TENM2: variants seen among roughly 807,000 people sequenced by gnomAD.
TENM2 encodes teneurin transmembrane protein 2, also known as teneurin-2.
TENM2 carries 52 observed loss-of-function variants against 245.2 expected under a neutral mutation model. The observed-to-expected ratio is 0.21, with a 90% CI of 0.17 to 0.27. TENM2 has a LOEUF of 0.27. Among genes scored for constraint, TENM2 ranks in the 10% least tolerant of loss-of-function variants. TENM2 has a pLI of 1.00. For missense variants in TENM2, 3,046 were observed against 3,666.8 expected, an observed-to-expected ratio of 0.83 and a Z score of 4.37; for synonymous variants, 1,363 against 1,438.9, an observed-to-expected ratio of 0.95 and a Z score of 1.19.
intron 2 of TENM2, among the ~76,000 whole-genome samples, chr5:167,409,252 T>C (rs1165649429): frequency 6.6e-6 from 1 of 151,928 alleles, no homozygotes; most frequent in African/African-American, 2.4e-5. Flanking sequence ...AATAGTTGTG[T>C]GCAGTGAAAA....
In TENM2 at chr5:167,727,506, A is replaced by G. The variant is rs573721706; in HGVS notation, c.503-148480A>G. 3.9e-5 allele frequency among the ~76,000 whole-genome samples: 6 copies of G among 152,262 alleles called. No homozygotes were observed. In the South Asian group the frequency reaches 1.2e-3, roughly 32 times the overall value. ...ACCTAAAACAAAGACTACTCCATAC[A>G]TCTGCAATTTTTCAGCTGAGGTAGA... is the stretch of plus-strand genomic sequence containing the variant. On this transcript the variant is annotated intron_variant, in intron 2 of 28. Transcript: ENST00000518659.
the TENM2 span, among the ~76,000 whole-genome samples, chr5:167,103,957 G>T: frequency 6.6e-6 from 1 of 151,902 alleles, no homozygotes; most frequent in East Asian, 1.9e-4. Flanking sequence ...CCCCACCCTG[G>T]AATGTCTTTC....
chr5:167,907,452 G>T (rs1024326766), intron 3 of TENM2, among the ~76,000 whole-genome samples: 6 of 144,762 alleles, frequency 4.1e-5, no homozygotes, highest in Non-Finnish European at 7.5e-5. Context: ...AATAATAGTA[G>T]CCAGGAAAAA....
chr5:167,370,341 CAAAAAAAAAAAAAAA>C (rs35067759), intron 1 of TENM2, among the ~76,000 whole-genome samples: 2,855 of 73,592 alleles, frequency 0.039, 87 homozygotes, highest in Non-Finnish European at 0.068. Flanking sequence ...GACTCCGTCT[CAAAAAAAAAAAAAAA>C]AAAAAAAAAA....
the TENM2 span, among the ~76,000 whole-genome samples, chr5:167,273,960 G>T: frequency 6.6e-4 from 100 of 152,192 alleles, 2 homozygotes; most frequent in African/African-American, 2.2e-3. Flanking sequence ...CCAGAAGGAA[G>T]TAATACAGAG....
chr5:167,865,458 G>C (rs1184032956), intron 2 of TENM2, among the ~76,000 whole-genome samples: 3 of 151,988 alleles, frequency 2.0e-5, no homozygotes, highest in Non-Finnish European at 4.4e-5. Context: ...ATTTTTTATA[G>C]AGATGGGATT....
chr5:167,929,198 GAAGGAA>G, intron 3 of TENM2, among the ~76,000 whole-genome samples: 1 of 140,474 alleles, frequency 7.1e-6, no homozygotes, highest in East Asian at 2.3e-4. Context: ...AGGAAGGAAG[GAAGGAA>G]AAGGGAAAGG....
At chr5:167,071,878 G>GGGGGGGGGGGGGCC in the TENM2 span, among the ~76,000 whole-genome samples, 1 of 124,110 alleles carries the variant, frequency 8.1e-6, no homozygotes, top group Non-Finnish European at 1.7e-5. Flanking sequence ...TTGACAAATC[G>GGGGGGGGGGGGGCC]CCCCCCCCCG....
At chr5:167,843,682 G>A (rs1769761542) in intron 2 of TENM2, among the ~76,000 whole-genome samples, 1 of 152,174 alleles carries the variant, frequency 6.6e-6, no homozygotes, top group African/African-American at 2.4e-5. Context: ...AAACCTGTGA[G>A]CAGATTGTTT....
intron 2 of TENM2, among the ~76,000 whole-genome samples, chr5:167,757,010 T>C (rs1437806197): frequency 6.6e-6 from 1 of 151,870 alleles, no homozygotes; most frequent in Non-Finnish European, 1.5e-5. Flanking sequence ...TTGGCAGTAC[T>C]TTCTCATATA....
chr5:167,564,694 C>G (rs1475771157), intron 2 of TENM2, among the ~76,000 whole-genome samples: 1 of 152,196 alleles, frequency 6.6e-6, no homozygotes, highest in Non-Finnish European at 1.5e-5. Flanking sequence ...TTTCATCTAG[C>G]TGGTGGGTTT....
chr5:167,545,373 T>C (rs1370631150), intron 2 of TENM2, among the ~76,000 whole-genome samples: 1 of 152,202 alleles, frequency 6.6e-6, no homozygotes, highest in African/African-American at 2.4e-5. Flanking sequence ...TGGCCACTTT[T>C]AAAAATAGTC....
At chr5:167,573,519 T>C (rs377183517) in intron 2 of TENM2, among the ~76,000 whole-genome samples, 16 of 79,768 alleles carry the variant, frequency 2.0e-4, no homozygotes, top group South Asian at 8.9e-4. Context: ...TCTCTCTCTC[T>C]CCCCCTCTCC....
At chr5:168,181,954 G>A (rs1437625514) in intron 13 of TENM2, among the ~76,000 whole-genome samples, 3 of 152,002 alleles carry the variant, frequency 2.0e-5, no homozygotes, top group South Asian at 2.1e-4. Context: ...TGGGATTACC[G>A]GCGTGAGCCA....
intron 2 of TENM2, among the ~76,000 whole-genome samples, chr5:167,643,589 C>T (rs554065033): frequency 6.6e-6 from 1 of 152,250 alleles, no homozygotes; most frequent in African/African-American, 2.4e-5. Flanking sequence ...GACTAAGATC[C>T]AGATTCAGAG....
intron 2 of TENM2, among the ~76,000 whole-genome samples, chr5:167,874,815 C>T (rs1773282542): frequency 6.6e-6 from 1 of 152,176 alleles, no homozygotes; most frequent in Admixed American, 6.5e-5. Flanking sequence ...CCAAGGGCCG[C>T]TCCATGTCAC....
intron 1 of TENM2, among the ~76,000 whole-genome samples, chr5:167,363,748 A>G (rs1759860057): frequency 8.1e-6 from 1 of 122,944 alleles, no homozygotes; most frequent in Non-Finnish European, 1.8e-5. Context: ...AAAAAAAAAG[A>G]AAAGAAAAAG....
chr5:168,253,657 C>G (rs1281813435), intron 27 of TENM2, among the ~76,000 whole-genome samples: 1 of 150,346 alleles, frequency 6.7e-6, no homozygotes, highest in Non-Finnish European at 1.5e-5. Context: ...GATCTCCTGA[C>G]CTTGTGATTC....
chr5:168,188,971 C>T (rs1286079017), intron 13 of TENM2, among the ~76,000 whole-genome samples: 3 of 152,126 alleles, frequency 2.0e-5, no homozygotes, highest in East Asian at 3.9e-4. Flanking sequence ...ATTTATTTCT[C>T]GCAGTCCTGG....
Sources: gnomAD v4.1 joint callset for allele counts (sites outside exome capture counted in the v4.1 genomes callset) on GRCh38, gnomAD v4.1.1 for gene constraint, MANE v1.5 for transcripts, NCBI Gene and HGNC (gene_info 2026-07-23, HGNC 2026-07-21) for gene names.